Variants in MAP2K5 observed in about 807,000 individuals in gnomAD.
The protein encoded by MAP2K5 is mitogen-activated protein kinase kinase 5.
Under a neutral mutation model 83.1 loss-of-function variants are expected in MAP2K5, and 49 were observed. The ratio of observed to expected loss-of-function variants is 0.59; its 90% CI spans 0.47 to 0.75. MAP2K5 has a LOEUF of 0.75. Among genes scored for constraint, MAP2K5 ranks in the 30% least tolerant of loss-of-function variants. The pLI, the probability that MAP2K5 is intolerant of heterozygous loss-of-function variation, is 0.00. For missense variants in MAP2K5, 457 were observed against 557.5 expected (o/e 0.82, Z 1.82); for synonymous variants, 202 against 191.8 (o/e 1.05, Z -0.44).
chr15:67,623,884 A>T (rs560430818), intron 8 of MAP2K5, among the ~76,000 whole-genome samples: 9 of 149,394 alleles, frequency 6.0e-5, no homozygotes, highest in Admixed American at 4.7e-4. Context: ...GGTGTGAGCC[A>T]CCGCCCCCGG....
At chr15:67,585,269 C>T (rs1345990658) in intron 4 of MAP2K5, among the ~76,000 whole-genome samples, 2 of 152,100 alleles carry the variant, frequency 1.3e-5, no homozygotes, top group Admixed American at 1.3e-4. Context: ...TAACCTGTAA[C>T]TCAAGATGGT....
chr15:67,795,421 G>A (rs2090588312), intron 21 of MAP2K5, among the ~76,000 whole-genome samples: 1 of 152,144 alleles, frequency 6.6e-6, no homozygotes, highest in African/African-American at 2.4e-5. Context: ...GTATTTACAT[G>A]CAGTGTTTTC....
At chr15:67,695,946 A>C (rs1377922230) in intron 15 of MAP2K5, among the ~76,000 whole-genome samples, 2 of 152,134 alleles carry the variant, frequency 1.3e-5, no homozygotes, top group African/African-American at 4.8e-5. Context: ...GAAAAGGAGC[A>C]ATGATAGCTT....
In MAP2K5 at chr15:67,748,744, C is replaced by G; in HGVS notation, c.1134+143C>G. ...ATGGCTCTGAGCTATGTTACGTGAA[C>G]TGGCCTTGTCCTGAATCCCACTCTT... On this transcript the variant is annotated intron_variant, in intron 19 of 21. Transcript: ENST00000178640. This position sits in a 1 kb window ranked among gnomAD's most constrained non-coding sequence, Gnocchi z 4.0. The G allele has an allele frequency of 1.5e-6, 1 of 689,386 alleles. No homozygotes were observed. The highest frequency in any genetic ancestry group is 2.8e-5 in the East Asian group (1 of 36,204). 42.7% of individuals were successfully genotyped at this position (689,386 alleles called of 1,614,324 possible).
In MAP2K5 at chr15:67,543,187, T is replaced by G; in HGVS notation, c.-149T>G. On this transcript the variant is annotated 5_prime_UTR_variant, in exon 1 of 22. Transcript: ENST00000178640. This position sits in a 1 kb window ranked among gnomAD's most constrained non-coding sequence, Gnocchi z 4.3. ...CTGCGGGTGCGTTCCTGATCACCCC[T>G]CCCCTCTTCCCTCCCCCTCATCCTC... 2 of 750,612 alleles carry G rather than the reference T, an allele frequency of 2.7e-6. No homozygotes were observed. Among genetic ancestry groups the G allele is most frequent in the East Asian group, 2.6e-5 (1 of 37,816 alleles). 46.5% of individuals were successfully genotyped at this position (750,612 alleles called of 1,614,324 possible).
At chr15:67,595,660 C>G (rs2085508403) in intron 7 of MAP2K5, among the ~76,000 whole-genome samples, 1 of 152,110 alleles carries the variant, frequency 6.6e-6, no homozygotes. Context: ...AAGTTTAACA[C>G]TTAGTCTTTG....
chr15:67,629,617 A>G (rs1045442708), intron 8 of MAP2K5, among the ~76,000 whole-genome samples: 2 of 152,122 alleles, frequency 1.3e-5, no homozygotes, highest in African/African-American at 4.8e-5. Flanking sequence ...ATGTTTTACA[A>G]CTGGGCAGGT....
At chr15:67,606,128 A>G (rs1239212969) in intron 8 of MAP2K5, among the ~76,000 whole-genome samples, 1 of 152,238 alleles carries the variant, frequency 6.6e-6, no homozygotes, top group Admixed American at 6.5e-5. Flanking sequence ...TCCTTGGCAT[A>G]TCATTTGATG....
intron 3 of MAP2K5, among the ~76,000 whole-genome samples, chr15:67,564,553 A>G (rs2084801754): frequency 6.6e-6 from 1 of 152,218 alleles, no homozygotes; most frequent in Non-Finnish European, 1.5e-5. Context: ...GGATAGGATG[A>G]TTAACAGAGC....
chr15:67,726,340 C>A (rs1300212011), intron 16 of MAP2K5, among the ~76,000 whole-genome samples: 1 of 152,158 alleles, frequency 6.6e-6, no homozygotes, highest in East Asian at 1.9e-4. Flanking sequence ...ATATTCATGT[C>A]TAAGCAACAA....
intron 16 of MAP2K5, 57 bp downstream of exon 16, chr15:67,703,465 G>T: frequency 7.3e-7 from 1 of 1,371,240 alleles, no homozygotes. Context: ...TATTCAATCA[G>T]GAAAAGTGAA....
At chr15:67,558,561 A>G (rs2084672784) in intron 2 of MAP2K5, among the ~76,000 whole-genome samples, 1 of 152,208 alleles carries the variant, frequency 6.6e-6, no homozygotes, top group Non-Finnish European at 1.5e-5. Flanking sequence ...ACTCCAAAGT[A>G]AAAGACCAAG....
At position 67,780,676 on chromosome 15, in the gene MAP2K5, T is replaced by G. The variant is rs2090314422; in HGVS notation, c.1242+7924T>G. Among the ~76,000 whole-genome samples, 2 of 152,350 alleles carry G rather than the reference T, an allele frequency of 1.3e-5. No homozygotes were observed. The highest frequency in any genetic ancestry group is 2.9e-5 in the Non-Finnish European group (2 of 68,030). On this transcript the variant is annotated intron_variant, in intron 21 of 21. Coordinates refer to ENST00000178640, the MANE Select transcript of MAP2K5 (RefSeq NM_145160.3). This position sits in a 1 kb window ranked among gnomAD's most constrained non-coding sequence, Gnocchi z 5.0. Reference sequence around the variant, plus strand: ...AGATAAAAAAGGTTTTTGTTTGACCTCCTGCTAGGAGAGGTCATCTAGGTT... The same window carrying G: ...AGATAAAAAAGGTTTTTGTTTGACCGCCTGCTAGGAGAGGTCATCTAGGTT...
At chr15:67,597,485 G>A (rs1048100952) in intron 7 of MAP2K5, among the ~76,000 whole-genome samples, 3 of 152,150 alleles carry the variant, frequency 2.0e-5, no homozygotes, top group Non-Finnish European at 4.4e-5. Context: ...AAGTAAAGTG[G>A]ACTAAATGGT....
Position 67,722,215 on chromosome 15 carries a change from T to C in MAP2K5, c.1045-5701T>C, listed in dbSNP as rs2088980106. ...CACAGGGGTTGCAGATTCCACAAGT[T>C]ATCAGCTAATGGCGTTATACATTAA... On this transcript the variant is annotated intron_variant, in intron 16 of 21. Coordinates refer to ENST00000178640, the MANE Select transcript of MAP2K5 (RefSeq NM_145160.3). The surrounding 1 kb of genome is among the most constrained non-coding windows in gnomAD (Gnocchi z 4.2). Among the ~76,000 whole-genome samples the C allele has an allele frequency of 6.6e-6, 1 of 152,214 alleles. No individual in the cohort carries two copies. Among genetic ancestry groups the C allele is most frequent in the Non-Finnish European group, 1.5e-5 (1 of 68,038 alleles).
intron 8 of MAP2K5, among the ~76,000 whole-genome samples, chr15:67,622,324 A>G (rs1381248471): frequency 6.6e-6 from 1 of 152,128 alleles, no homozygotes; most frequent in Non-Finnish European, 1.5e-5. Flanking sequence ...CCGAGGCAGG[A>G]GCACGTTTGA....
At chr15:67,806,375 T>C (rs2090806786) in intron 21 of MAP2K5, among the ~76,000 whole-genome samples, 1 of 152,216 alleles carries the variant, frequency 6.6e-6, no homozygotes, top group Non-Finnish European at 1.5e-5. Flanking sequence ...CTTAAGCACC[T>C]TCCAGGCTAG....
At position 67,637,473 on chromosome 15, in the gene MAP2K5, A is replaced by G. The variant is rs79273166; in HGVS notation, c.585+6546A>G. Among the ~76,000 whole-genome samples, 481 of 152,240 alleles carry G rather than the reference A, an allele frequency of 3.2e-3. 2 individuals carry two copies. Among genetic ancestry groups the G allele is most frequent in the Admixed American group, 4.4e-3 (67 of 15,298 alleles). ...CTCTACCTGGTGCCTTGCAAATTGCAAGGTTTTTCCACACTGACTGGTGGG... is the reference window on the plus strand; with the variant it reads ...CTCTACCTGGTGCCTTGCAAATTGCGAGGTTTTTCCACACTGACTGGTGGG... On this transcript the variant is annotated intron_variant, in intron 9 of 21. Transcript: ENST00000178640. The surrounding 1 kb of genome is among the most constrained non-coding windows in gnomAD (Gnocchi z 4.5).
At chr15:67,726,133 T>C (rs1261358249) in intron 16 of MAP2K5, among the ~76,000 whole-genome samples, 1 of 152,192 alleles carries the variant, frequency 6.6e-6, no homozygotes, top group Non-Finnish European at 1.5e-5. Flanking sequence ...CACATATCAG[T>C]GTATATTTTG....
Sources: allele counts gnomAD v4.1 joint callset (sites outside exome capture counted in the v4.1 genomes callset), GRCh38; gene constraint gnomAD v4.1.1; non-coding constraint Gnocchi (gnomAD v3.1); transcripts MANE v1.5; gene names NCBI Gene and HGNC (gene_info 2026-07-23, HGNC 2026-07-21).